The following LPCAT1 variants were observed in gnomAD, a reference collection of about 807,000 sequenced individuals.
LPCAT1 encodes 1-acylglycerol-3-phosphate O-acyltransferase.
In LPCAT1, 23 loss-of-function variants were observed where a neutral mutation model predicts 60.9. The ratio of observed to expected loss-of-function variants is 0.38; its 90% CI spans 0.27 to 0.53. LPCAT1 has a LOEUF of 0.53. LPCAT1 is among the 20% of genes least tolerant of loss of function. The probability of loss-of-function intolerance (pLI) is 0.82; values close to 1 mark genes in which losing one functional copy is unlikely to be tolerated. For synonymous variants in LPCAT1, 340 were observed against 301.1 expected, an observed-to-expected ratio of 1.13 and a Z score of -1.34; for missense variants, 622 against 723.6, an observed-to-expected ratio of 0.86 and a Z score of 1.61.
rs954424102 is a variant in LPCAT1 at position 1,480,411 on chromosome 5, C to T, written c.761+531G>A. 12 of 983,664 alleles carry T rather than the reference C, an allele frequency of 1.2e-5. No individual in the cohort carries two copies. Among genetic ancestry groups the T allele is most frequent in the African/African-American group, 7.0e-5 (4 of 57,192 alleles). The allele number at this position is 983,664 out of a possible 1,614,324, so 60.9% of individuals were successfully genotyped here. A position where few individuals can be genotyped will look rare whatever the true frequency, so the allele number is the denominator to read the frequency against. ...TCTGCCCTCCCGACGTCAGCTCAGACGTCAGCACCCAGGAGGCCCTGACCA... is the reference window on the plus strand; with the variant it reads ...TCTGCCCTCCCGACGTCAGCTCAGATGTCAGCACCCAGGAGGCCCTGACCA... On this transcript the variant is annotated intron_variant, in intron 7 of 13. Transcript: ENST00000283415. The surrounding 1 kb of genome is among the most constrained non-coding windows in gnomAD (Gnocchi z 6.4).
At chr5:1,471,233 C>A (rs957068479) in intron 11 of LPCAT1, among the ~76,000 whole-genome samples, 1 of 152,190 alleles carries the variant, frequency 6.6e-6, no homozygotes, top group Non-Finnish European at 1.5e-5. Context: ...TTTGAGAATA[C>A]CCCCTAAGCA....
chr5:1,485,035 G>A (rs2126536764), intron 5 of LPCAT1, among the ~76,000 whole-genome samples: 1 of 152,338 alleles, frequency 6.6e-6, no homozygotes, highest in South Asian at 2.1e-4. Flanking sequence ...CAGTGTGGAG[G>A]AAATAGTCCT....
chr5:1,488,294 A>C (rs1042778974), intron 5 of LPCAT1, 97 bp downstream of exon 5: 24 of 736,204 alleles, frequency 3.3e-5, no homozygotes, highest in African/African-American at 3.2e-4. Flanking sequence ...ATAAAAACAG[A>C]AACTGTTCTT....
chr5:1,519,674 T>TG (rs1462075950), intron 1 of LPCAT1, among the ~76,000 whole-genome samples: 3 of 152,208 alleles, frequency 2.0e-5, no homozygotes, highest in Non-Finnish European at 4.4e-5. Context: ...CTGTGCTTCC[T>TG]GGGGCAAAGG....
chr5:1,471,540 AG>A (rs1211449479), intron 11 of LPCAT1, among the ~76,000 whole-genome samples: 1 of 152,258 alleles, frequency 6.6e-6, no homozygotes. Context: ...CCCAGGCCAC[AG>A]GAAAGAACCT....
At position 1,502,154 on chromosome 5, in the gene LPCAT1, G is replaced by T. The variant is rs1736039705; in HGVS notation, c.136-551C>A. 6.6e-6 allele frequency among the ~76,000 whole-genome samples: 1 copy of T among 152,194 alleles called. No homozygotes were observed. The highest frequency in any genetic ancestry group is 1.5e-5 in the Non-Finnish European group (1 of 68,030). ...ACTGGAGCTGCCATGCGAGTGGCTT[G>T]GGAAAGACACAGTGGAGCTTCCTCC... is the stretch of plus-strand genomic sequence containing the variant. On this transcript the variant is annotated intron_variant, in intron 1 of 13. Transcript: ENST00000283415. The surrounding 1 kb of genome is among the most constrained non-coding windows in gnomAD (Gnocchi z 5.5).
chr5:1,520,868 A>C, intron 1 of LPCAT1, among the ~76,000 whole-genome samples: 1 of 150,984 alleles, frequency 6.6e-6, no homozygotes, highest in Non-Finnish European at 1.5e-5. Context: ...CTCAAAAAAA[A>C]AAAAAAAAAA....
At chr5:1,512,011 C>A (rs115579654) in intron 1 of LPCAT1, among the ~76,000 whole-genome samples, 487 of 152,286 alleles carry the variant, frequency 3.2e-3, no homozygotes, top group African/African-American at 0.011. Flanking sequence ...GGAGGGTGGG[C>A]TGGGTCCTGC....
chr5:1,505,361 G>A (rs939881129), intron 1 of LPCAT1, among the ~76,000 whole-genome samples: 3 of 152,092 alleles, frequency 2.0e-5, no homozygotes, highest in East Asian at 1.9e-4. Flanking sequence ...AAACAGCACC[G>A]ACTGCAACAC....
At chr5:1,518,629 T>C (rs1325473331) in intron 1 of LPCAT1, among the ~76,000 whole-genome samples, 1 of 152,216 alleles carries the variant, frequency 6.6e-6, no homozygotes, top group Non-Finnish European at 1.5e-5. Context: ...CGTGAGCCGT[T>C]GCGCCCGGCC....
chr5:1,470,726 A>G, intron 12 of LPCAT1, 100 bp downstream of exon 12: 1 of 835,232 alleles, frequency 1.2e-6, no homozygotes, highest in Non-Finnish European at 1.8e-6. Flanking sequence ...GCAAATGATC[A>G]ATTAACTGAT....
intron 6 of LPCAT1, among the ~76,000 whole-genome samples, chr5:1,482,429 G>C (rs1402529837): frequency 1.1e-5 from 1 of 91,144 alleles, no homozygotes; most frequent in African/African-American, 4.8e-5. Context: ...TGGGGCTGCG[G>C]CCAGGGGCAG....
intron 1 of LPCAT1, among the ~76,000 whole-genome samples, chr5:1,507,772 C>T (rs1366172071): frequency 1.3e-5 from 2 of 152,258 alleles, no homozygotes; most frequent in African/African-American, 4.8e-5. Context: ...AATGCCGAGC[C>T]TGGTGCAGGA....
rs563548818 is a variant in LPCAT1, at chr5:1,483,907, C to T, written c.668-421G>A. Among the ~76,000 whole-genome samples, 4 of 151,338 alleles carry T rather than the reference C, an allele frequency of 2.6e-5. No individual in the cohort carries two copies. The highest frequency in any genetic ancestry group is 1.9e-4 in the East Asian group (1 of 5,140). On this transcript the variant is annotated intron_variant, in intron 5 of 13. Coordinates refer to ENST00000283415, the MANE Select transcript of LPCAT1 (RefSeq NM_024830.5). This position sits in a 1 kb window ranked among gnomAD's most constrained non-coding sequence, Gnocchi z 9.2. ...CATTGCGCACGAGCTGGAAGACATC[C>T]GTGGAGGGACACTTTCTGCTGTAAC...
Position 1,463,459 on chromosome 5 carries a change from A to G in LPCAT1, c.*192T>C, listed in dbSNP as rs1560941366. On this transcript the variant is annotated 3_prime_UTR_variant, in exon 14 of 14. Transcript: ENST00000283415. ...CGTGCGCGCCCTCCGATTCTCGCAC[A>G]GTAAGCGTCGGTTCTGCAACACACT... The G allele has an allele frequency of 1.1e-5, 7 of 640,714 alleles. No individual in the cohort carries two copies. Among genetic ancestry groups the G allele is most frequent in the Admixed American group, 3.1e-5 (1 of 31,990 alleles). 39.7% of individuals were successfully genotyped at this position (640,714 alleles called of 1,614,324 possible). A position where few individuals can be genotyped will look rare whatever the true frequency, so the allele number is the denominator to read the frequency against.
rs994197369 is a variant in LPCAT1, at chr5:1,481,049, C to T, written c.727-73G>A. On this transcript the variant is annotated intron_variant, in intron 6 of 13. Transcript: ENST00000283415. The surrounding 1 kb of genome is among the most constrained non-coding windows in gnomAD (Gnocchi z 7.8). ...GCCTGCACCAAGCACCTGCGTGTGC[C>T]GGCCTCTCCCTGCACCTCCCACCCC... 17 of 1,552,204 alleles carry T rather than the reference C, an allele frequency of 1.1e-5. No homozygotes were observed. The highest frequency in any genetic ancestry group is 3.5e-4 in the Middle Eastern group (2 of 5,746).
intron 7 of LPCAT1, 95 bp from the exon 8 acceptor site, chr5:1,479,770 T>G (rs1560962196): frequency 2.1e-6 from 2 of 959,968 alleles, no homozygotes; most frequent in Non-Finnish European, 3.3e-6. Context: ...AGACGCGCCC[T>G]CCAGAGGGCG....
chr5:1,509,967 CG>C (rs1736307078), intron 1 of LPCAT1, among the ~76,000 whole-genome samples: 1 of 152,184 alleles, frequency 6.6e-6, no homozygotes, highest in Non-Finnish European at 1.5e-5. Context: ...GGCCACATCA[CG>C]GGGACGGTTT....
intron 3 of LPCAT1, among the ~76,000 whole-genome samples, chr5:1,491,126 C>A (rs970999904): frequency 1.5e-5 from 2 of 130,614 alleles, no homozygotes; most frequent in Non-Finnish European, 3.5e-5. Context: ...TGTGGTCTTT[C>A]CTATGTCTTG....
Sources: allele counts gnomAD v4.1 joint callset (sites outside exome capture counted in the v4.1 genomes callset), GRCh38; gene constraint gnomAD v4.1.1; non-coding constraint Gnocchi (gnomAD v3.1); transcripts MANE v1.5; gene names NCBI Gene and HGNC (gene_info 2026-07-23, HGNC 2026-07-21).